MYH11: variants seen among roughly 807,000 people sequenced by gnomAD.
MYH11 encodes myosin-11.
In MYH11, 80 loss-of-function variants were observed where a neutral mutation model predicts 246.6. The ratio of observed to expected loss-of-function variants is 0.32; its 90% CI spans 0.27 to 0.39. MYH11 has a LOEUF of 0.39. Among genes scored for constraint, MYH11 ranks in the 10% least tolerant of loss-of-function variants. The probability of loss-of-function intolerance (pLI) is 1.00; values close to 1 mark genes in which losing one functional copy is unlikely to be tolerated. For synonymous variants in MYH11, 1,071 were observed against 1,015.5 expected (o/e 1.05, Z -1.04); for missense variants, 2,158 against 2,546.8 (o/e 0.85, Z 3.29).
intron 1 of MYH11, among the ~76,000 whole-genome samples, chr16:15,854,221 C>T (rs1053617563): frequency 1.3e-5 from 2 of 152,148 alleles, no homozygotes; most frequent in Non-Finnish European, 2.9e-5. Flanking sequence ...ATAGTTTAGG[C>T]TTCCCGGTTC....
intron 8 of MYH11, 143 bp downstream of exon 8, chr16:15,775,935 G>A: frequency 1.3e-6 from 1 of 742,710 alleles, no homozygotes; most frequent in Non-Finnish European, 2.5e-6. Flanking sequence ...GGGAGGAGAT[G>A]AAGAACTGTT....
chr16:15,754,845 T>A (rs1484091796), intron 14 of MYH11, among the ~76,000 whole-genome samples: 1 of 152,150 alleles, frequency 6.6e-6, no homozygotes, highest in Non-Finnish European at 1.5e-5. Context: ...AATTTTTAAA[T>A]TTTTTTTATT....
At chr16:15,828,865 A>G (rs971043281) in intron 2 of MYH11, among the ~76,000 whole-genome samples, 5 of 151,848 alleles carry the variant, frequency 3.3e-5, no homozygotes, top group African/African-American at 1.2e-4. Flanking sequence ...GATAGAGAAA[A>G]GAAAAGAATA....
intron 1 of MYH11, among the ~76,000 whole-genome samples, chr16:15,849,759 T>C (rs955465297): frequency 6.6e-6 from 1 of 152,144 alleles, no homozygotes; most frequent in Non-Finnish European, 1.5e-5. Flanking sequence ...GGCTGCTTCA[T>C]TTTTTGAGCA....
chr16:15,821,652 C>T (rs2043412905), intron 3 of MYH11, among the ~76,000 whole-genome samples: 1 of 151,564 alleles, frequency 6.6e-6, no homozygotes, highest in Non-Finnish European at 1.5e-5. Context: ...GGTATGGTGG[C>T]TTATGCCTGT....
In MYH11 at chr16:15,760,555, A is replaced by T; in HGVS notation, c.1233T>A (p.Ala411=). 1 of 1,611,422 alleles carries T rather than the reference A, an allele frequency of 6.2e-7. No individual in the cohort carries two copies. Among genetic ancestry groups the T allele is most frequent in the Non-Finnish European group, 8.5e-7 (1 of 1,177,516 alleles). Residue 411 remains alanine (A), a synonymous_variant, in exon 11 of 41, where the codon GCT becomes GCA. Transcript: ENST00000300036. ...ACATCATTACCTGTTCTTTTGTCTG[A>T]GCTTTCTGTACCACATCTCGCCCAA... ...IKVGRDVVQK[A]QTKEQADFAV... is the part of the protein sequence containing the mutation.
chr16:15,747,529 AT>A (rs776003020), intron 19 of MYH11, 40 bp downstream of exon 19: 1 of 1,613,640 alleles, frequency 6.2e-7, no homozygotes, highest in Non-Finnish European at 8.5e-7. Flanking sequence ...CCTGTTTGTG[AT>A]TCGCGTTTGA....
chr16:15,738,982 C>A (rs2151246435), intron 23 of MYH11, among the ~76,000 whole-genome samples: 1 of 152,294 alleles, frequency 6.6e-6, no homozygotes, highest in African/African-American at 2.4e-5. Flanking sequence ...AGTGGGCCAA[C>A]CAGCTGAGAT....
chr16:15,737,140 C>T lies in MYH11; in HGVS notation c.3293+309G>A, dbSNP rs76222341. Among the ~76,000 whole-genome samples the T allele has an allele frequency of 0.021, 3,200 of 152,108 alleles. 56 individuals carry two copies. Among genetic ancestry groups the T allele is most frequent in the Non-Finnish European group, 0.029 (1,972 of 67,994 alleles). On this transcript the variant is annotated intron_variant, in intron 25 of 40. Coordinates refer to ENST00000300036, the MANE Select transcript of MYH11 (RefSeq NM_002474.3). ...GGTGGAAATTGACTCATTGGGCAAT[C>T]GGAAATTCAGAAGGGGGTCTAGATG...
At position 15,828,846 on chromosome 16, in the gene MYH11, GAGATGAGAGAT is replaced by G. The variant is rs980996853; in HGVS notation, c.346-5446_346-5436del. 1.2e-4 allele frequency among the ~76,000 whole-genome samples: 8 copies of G among 65,116 alleles called. No individual in the cohort carries two copies. In the African/African-American group the frequency reaches 4.0e-3, roughly 32 times the overall value. 42.7% of individuals were successfully genotyped at this position (65,116 alleles called of 152,430 possible). A position where few individuals can be genotyped will look rare whatever the true frequency, so the allele number is the denominator to read the frequency against. Reference sequence around the variant, plus strand: ...AAAGTAAGAAAGAAAGGAAGAAAGAGAGATGAGAGATAGAGAAAAGAAAAGAATAAAAGGAA... The same window carrying G: ...AAAGTAAGAAAGAAAGGAAGAAAGAGAGAGAAAAGAAAAGAATAAAAGGAA... On this transcript the variant is annotated intron_variant, in intron 2 of 40. Coordinates refer to ENST00000300036, the MANE Select transcript of MYH11 (RefSeq NM_002474.3).
chr16:15,786,627 C>A lies in MYH11; in HGVS notation c.633+3G>T. On this transcript the variant is annotated splice_donor_region_variant and intron_variant, in intron 5 of 40. Coordinates refer to ENST00000300036, the MANE Select transcript of MYH11 (RefSeq NM_002474.3). ...TGGCCTCTGATTGGGAACTGCCACT[C>A]ACCGTGATACTTGTGTCTTTCTTGC... The A allele has an allele frequency of 6.2e-7, 1 of 1,613,866 alleles. No individual in the cohort carries two copies. The highest frequency in any genetic ancestry group is 8.5e-7 in the Non-Finnish European group (1 of 1,179,770).
At chr16:15,758,598 G>A (rs961847324) in intron 12 of MYH11, among the ~76,000 whole-genome samples, 1 of 150,744 alleles carries the variant, frequency 6.6e-6, no homozygotes, top group Non-Finnish European at 1.5e-5. Flanking sequence ...GAGATCAGGA[G>A]TTTGAGACTA....
chr16:15,721,380 C>T lies in MYH11; in HGVS notation c.4578+42G>A, dbSNP rs772213227. 2.0e-5 allele frequency: 32 copies of T among 1,596,434 alleles called. No homozygotes were observed. The East Asian group carries it at 6.5e-4, about 32-fold the overall frequency. ...ACTGGTGAATAGCACAGAGGGTGGGCAGGCGAAACATGGACGAGAAAAACC... is the reference window on the plus strand; with the variant it reads ...ACTGGTGAATAGCACAGAGGGTGGGTAGGCGAAACATGGACGAGAAAAACC... On this transcript the variant is annotated intron_variant, in intron 32 of 40. Coordinates refer to ENST00000300036, the MANE Select transcript of MYH11 (RefSeq NM_002474.3).
chr16:15,784,601 A>G, intron 5 of MYH11: 1 of 1,354,862 alleles, frequency 7.4e-7, no homozygotes, highest in Non-Finnish European at 1.0e-6. Context: ...CATTTCTACC[A>G]CCAGCTACGG....
intron 1 of MYH11, among the ~76,000 whole-genome samples, chr16:15,842,258 C>G (rs117404929): frequency 3.4e-4 from 52 of 152,008 alleles, no homozygotes; most frequent in Non-Finnish European, 5.7e-4. Context: ...TGGTAGCATG[C>G]GCCTACAATC....
rs34752846 is a variant in MYH11, at chr16:15,735,176, CA to C, written c.3506+189del. Among the ~76,000 whole-genome samples the C allele has an allele frequency of 0.53, 61,170 of 115,984 alleles. 14,184 individuals carry two copies. The highest frequency in any genetic ancestry group is 0.68 in the African/African-American group (22,463 of 33,042). The allele number at this position is 115,984 out of a possible 152,430, so 76.1% of individuals were successfully genotyped here. On this transcript the variant is annotated intron_variant, in intron 26 of 40. Transcript: ENST00000300036. Reference sequence around the variant, plus strand: ...CCTAGGCAACAAAGCCAGACTGCCTCAAAAAAAAAAAAAAAAGAAAGAAAAA... The same window carrying C: ...CCTAGGCAACAAAGCCAGACTGCCTCAAAAAAAAAAAAAAAGAAAGAAAAA...
At chr16:15,794,930 A>G (rs1481665012) in intron 4 of MYH11, among the ~76,000 whole-genome samples, 1 of 152,206 alleles carries the variant, frequency 6.6e-6, no homozygotes, top group East Asian at 1.9e-4. Context: ...ACAGTAAGGA[A>G]TCTGAGTTTT....
chr16:15,835,776 C>G (rs1043464729), intron 2 of MYH11, among the ~76,000 whole-genome samples: 1 of 131,250 alleles, frequency 7.6e-6, no homozygotes, highest in Non-Finnish European at 1.6e-5. Context: ...TTGAAACAGA[C>G]AAGGTCTTGC....
intron 3 of MYH11, among the ~76,000 whole-genome samples, chr16:15,811,205 C>G (rs2151337801): frequency 6.6e-6 from 1 of 152,270 alleles, no homozygotes; most frequent in South Asian, 2.1e-4. Flanking sequence ...TTCCCAGCCT[C>G]CAGAACCACG....
Sources: allele counts gnomAD v4.1 joint callset (sites outside exome capture counted in the v4.1 genomes callset), GRCh38; gene constraint gnomAD v4.1.1; transcripts MANE v1.5; gene names NCBI Gene and HGNC (gene_info 2026-07-23, HGNC 2026-07-21).